LRRIQ3: variants seen among roughly 807,000 people sequenced by gnomAD.
LRRIQ3 encodes the protein leucine-rich repeat and IQ domain-containing protein 3.
In LRRIQ3, 75 loss-of-function variants were observed where a neutral mutation model predicts 59.3. The observed-to-expected ratio is 1.26, with a 90% CI of 1.05 to 1.53. The LOEUF is 1.53. Among genes scored for constraint, LRRIQ3 ranks in the 40% most tolerant of loss-of-function variants. The pLI, the probability that LRRIQ3 is intolerant of heterozygous loss-of-function variation, is 0.00. For missense variants in LRRIQ3, 831 were observed against 710.0 expected (o/e 1.17, Z -1.94); for synonymous variants, 250 against 231.3 (o/e 1.08, Z -0.73).
intron 3 of LRRIQ3, chr1:74,181,361 T>G (rs1323606620): frequency 6.6e-6 from 1 of 152,068 alleles, no homozygotes; most frequent in East Asian, 1.9e-4. Flanking sequence ...ATAGAGCACT[T>G]ACTATGAGGG....
chr1:74,062,617 A>T (rs1336916783), intron 6 of LRRIQ3, among the ~76,000 whole-genome samples: 1 of 152,186 alleles, frequency 6.6e-6, no homozygotes, highest in East Asian at 1.9e-4. Flanking sequence ...TAGATAAAGA[A>T]AATGTGGTAT....
At chr1:74,031,835 A>T (rs1653728307) in intron 7 of LRRIQ3, among the ~76,000 whole-genome samples, 1 of 152,100 alleles carries the variant, frequency 6.6e-6, no homozygotes, top group Non-Finnish European at 1.5e-5. Context: ...ATCCATGTAT[A>T]CCAATGTCAA....
At chr1:74,038,160 TATCCCCCACAGC>T (rs1415016948) in intron 7 of LRRIQ3, among the ~76,000 whole-genome samples, 1 of 152,090 alleles carries the variant, frequency 6.6e-6, no homozygotes, top group African/African-American at 2.4e-5. Flanking sequence ...TCCCAAGAGG[TATCCCCCACAGC>T]CCAACACACC....
At chr1:74,100,025 C>T (rs111555505) in intron 5 of LRRIQ3, among the ~76,000 whole-genome samples, 9 of 152,262 alleles carry the variant, frequency 5.9e-5, no homozygotes, top group African/African-American at 2.2e-4. Flanking sequence ...CTCACCACTC[C>T]TATTCAACAT....
At chr1:74,173,032 T>C (rs927847261) in intron 3 of LRRIQ3, among the ~76,000 whole-genome samples, 2 of 152,156 alleles carry the variant, frequency 1.3e-5, no homozygotes, top group African/African-American at 2.4e-5. Context: ...CCAGGCACAG[T>C]GGCTCACGCC....
intron 6 of LRRIQ3, among the ~76,000 whole-genome samples, chr1:74,047,964 A>T (rs927535028): frequency 3.3e-5 from 5 of 152,120 alleles, no homozygotes; most frequent in African/African-American, 1.2e-4. Context: ...TTCCCTTCTC[A>T]CTATGCACAC....
intron 5 of LRRIQ3, chr1:74,081,848 T>G (rs1646276214): frequency 6.6e-6 from 1 of 151,474 alleles, no homozygotes; most frequent in African/African-American, 2.4e-5. Flanking sequence ...AAATAATTAA[T>G]ATCATTGTTT....
At chr1:74,182,455 A>G (rs946407274) in intron 3 of LRRIQ3, 83 bp downstream of exon 3, 3 of 727,144 alleles carry the variant, frequency 4.1e-6, no homozygotes, top group Non-Finnish European at 6.0e-6. Flanking sequence ...TAAAAAGTTT[A>G]TATAATTTAG....
intron 4 of LRRIQ3, among the ~76,000 whole-genome samples, chr1:74,112,317 G>A (rs576858033): frequency 6.5e-4 from 99 of 152,222 alleles, no homozygotes; most frequent in African/African-American, 2.1e-3. Context: ...CAAATCTAAA[G>A]GCACTGTTAA....
At chr1:74,063,212 TTTC>T (rs1187036570) in intron 6 of LRRIQ3, among the ~76,000 whole-genome samples, 1 of 152,072 alleles carries the variant, frequency 6.6e-6, no homozygotes, top group Non-Finnish European at 1.5e-5. Flanking sequence ...ATTTCAAAAT[TTTC>T]TTCTATCATT....
intron 6 of LRRIQ3, among the ~76,000 whole-genome samples, chr1:74,072,442 G>A (rs943271216): frequency 6.6e-6 from 1 of 151,800 alleles, no homozygotes; most frequent in Non-Finnish European, 1.5e-5. Context: ...GATGGGCTTT[G>A]GTGATCCCAT....
In LRRIQ3 at chr1:74,074,669, A is replaced by T. The variant is rs777139097; in HGVS notation, c.989T>A (p.Ile330Asn). 32 of 1,344,068 alleles carry T rather than the reference A, an allele frequency of 2.4e-5. No homozygotes were observed. The South Asian group carries it at 5.7e-4, about 24-fold the overall frequency. The allele number at this position is 1,344,068 out of a possible 1,614,324, so 83.3% of individuals were successfully genotyped here. A position where few individuals can be genotyped will look rare whatever the true frequency, so the allele number is the denominator to read the frequency against. The change falls in exon 6 of 8, where the codon ATT becomes AAT. Residue 330 changes from isoleucine to asparagine, a missense_variant. Transcript: ENST00000354431. ...GMKSKTSRHLIQKGQESEDEI... is the reference protein window; with the variant it reads ...GMKSKTSRHLNQKGQESEDEI... ...AAATTCATATAACTAACCTTTTTGA[A>T]TGAGATGTCTTGATGTTTTTGATTT...
At chr1:74,039,233 T>G (rs1035988477) in intron 7 of LRRIQ3, among the ~76,000 whole-genome samples, 7 of 152,112 alleles carry the variant, frequency 4.6e-5, no homozygotes, top group African/African-American at 1.7e-4. Flanking sequence ...TATCAGAGTT[T>G]GAAGACTACC....
chr1:74,141,784 T>G (rs1180977421), intron 4 of LRRIQ3, among the ~76,000 whole-genome samples: 1 of 151,826 alleles, frequency 6.6e-6, no homozygotes, highest in East Asian at 1.9e-4. Context: ...AATATTGGGC[T>G]CATTTTGTTG....
At chr1:74,124,088 CTTTGA>C (rs1487334659) in intron 4 of LRRIQ3, among the ~76,000 whole-genome samples, 1 of 151,762 alleles carries the variant, frequency 6.6e-6, no homozygotes, top group Admixed American at 6.6e-5. Context: ...CTCAATGTAG[CTTTGA>C]TTTATGTTTT....
At chr1:74,086,417 C>G (rs1466058350) in intron 5 of LRRIQ3, among the ~76,000 whole-genome samples, 1 of 152,098 alleles carries the variant, frequency 6.6e-6, no homozygotes, top group East Asian at 1.9e-4. Flanking sequence ...TTGCTCAACT[C>G]TTTCTTGCCA....
chr1:74,138,429 G>C (rs545107368), intron 4 of LRRIQ3: 8 of 961,716 alleles, frequency 8.3e-6, no homozygotes, highest in Non-Finnish European at 8.7e-6. Flanking sequence ...TCCATTACCA[G>C]ACTTACATAC....
chr1:74,063,449 A>C (rs1351332946), intron 6 of LRRIQ3, among the ~76,000 whole-genome samples: 2 of 152,062 alleles, frequency 1.3e-5, no homozygotes, highest in Non-Finnish European at 2.9e-5. Context: ...TGGATCTTCT[A>C]CCCATTCATT....
At chr1:74,197,540 CTAGAT>C (rs1651275149) in intron 1 of LRRIQ3, among the ~76,000 whole-genome samples, 1 of 152,094 alleles carries the variant, frequency 6.6e-6, no homozygotes, top group Admixed American at 6.5e-5. Context: ...ATTGAACATT[CTAGAT>C]TAATCTGCAT....
Sources: allele counts gnomAD v4.1 joint callset (sites outside exome capture counted in the v4.1 genomes callset), GRCh38; gene constraint gnomAD v4.1.1; transcripts MANE v1.5; gene names NCBI Gene and HGNC (gene_info 2026-07-23, HGNC 2026-07-21).